HEXB: variants seen among roughly 807,000 people sequenced by gnomAD.
HEXB encodes the protein beta-hexosaminidase subunit beta.
A neutral mutation model predicts 71.2 loss-of-function variants in HEXB; 51 were observed. That is an observed-to-expected ratio of 0.72 (90% CI 0.57 to 0.90). The LOEUF (loss-of-function observed/expected upper bound fraction) is 0.90. Ranked by LOEUF, HEXB falls within the 40% of genes least tolerant of loss-of-function variation. The probability of loss-of-function intolerance (pLI) is 0.00; values close to 1 mark genes in which losing one functional copy is unlikely to be tolerated. For synonymous variants in HEXB, 266 were observed against 249.3 expected (o/e 1.07, Z -0.63); for missense variants, 617 against 677.0 (o/e 0.91, Z 0.98).
chr5:74,663,497 G>A (rs995511692), intron 1 of HEXB, among the ~76,000 whole-genome samples: 1 of 152,020 alleles, frequency 6.6e-6, no homozygotes, highest in Admixed American at 6.6e-5. Flanking sequence ...GGCAAAAGAT[G>A]ACCTCTTTCT....
intron 8 of HEXB, 24 bp downstream of exon 8, chr5:74,715,714 T>C: frequency 2.3e-6 from 3 of 1,302,180 alleles, no homozygotes; most frequent in Non-Finnish European, 1.1e-6. Context: ...TTAAAACCCC[T>C]TTAAAAAAAA....
intron 1 of HEXB, among the ~76,000 whole-genome samples, chr5:74,665,281 A>G (rs781781292): frequency 2.0e-5 from 3 of 152,346 alleles, no homozygotes; most frequent in Non-Finnish European, 4.4e-5. Context: ...AAAAGTACAT[A>G]AGTAAACAGT....
intron 1 of HEXB, among the ~76,000 whole-genome samples, chr5:74,667,163 C>T (rs1334161448): frequency 6.6e-6 from 1 of 151,978 alleles, no homozygotes; most frequent in Non-Finnish European, 1.5e-5. Context: ...GTCTGTAATC[C>T]CAGCACTTTG....
chr5:74,720,330 T>C (rs1749796188), intron 11 of HEXB, 98 bp from the exon 12 acceptor site: 2 of 925,682 alleles, frequency 2.2e-6, no homozygotes, highest in East Asian at 2.4e-5. Context: ...CAAGAAATGT[T>C]GCCCTAGGAT....
At position 74,685,478 on chromosome 5, in the gene HEXB, C is replaced by A. The variant is rs1361073000; in HGVS notation, c.218C>A (p.Ala73Asp). 6.2e-7 allele frequency: 1 copy of A among 1,611,464 alleles called. No individual in the cohort carries two copies. The highest frequency in any genetic ancestry group is 1.1e-5 in the South Asian group (1 of 90,786). Reference protein sequence around the residue: ...VKMTPNLLHLAPENFYISHSP... With the variant: ...VKMTPNLLHLDPENFYISHSP... Reference sequence around the variant, plus strand: ...ATGACCCCGAACCTGCTGCATCTCGCCCCGGAGAACTTCTACATCAGCCAC... The same window carrying A: ...ATGACCCCGAACCTGCTGCATCTCGACCCGGAGAACTTCTACATCAGCCAC... The change falls in exon 1 of 14, where the codon GCC becomes GAC. Residue 73 changes from alanine (A) to aspartate (D), a missense_variant. By Grantham distance (126) the Ala-to-Asp change is moderately radical. Coordinates refer to ENST00000261416, the MANE Select transcript of HEXB (RefSeq NM_000521.4).
At position 74,720,677 on chromosome 5, in the gene HEXB, A is replaced by C. The variant is rs748124392; in HGVS notation, c.1543A>C (p.Ser515Arg). Residue 515 changes from serine (S) to arginine (R), a missense_variant, in exon 13 of 14, where the codon AGT becomes CGT. Ser to Arg is a moderately radical substitution (Grantham distance 110). Transcript: ENST00000261416. Reference sequence around the variant, plus strand: ...AAGTGCTGTTGGTGAGAGACTCTGGAGTTCCAAAGATGTCAGAGATATGGA... The same window carrying C: ...AAGTGCTGTTGGTGAGAGACTCTGGCGTTCCAAAGATGTCAGAGATATGGA... ...RASAVGERLW[S>R]SKDVRDMDDA... is the part of the protein sequence containing the mutation. The C allele has an allele frequency of 4.3e-6, 7 of 1,614,192 alleles. No homozygotes were observed. Among genetic ancestry groups the C allele is most frequent in the South Asian group, 1.1e-5 (1 of 91,084 alleles).
Position 74,719,112 on chromosome 5 carries a change from C to A in HEXB, c.1417+141C>A. The A allele has an allele frequency of 5.3e-6, 4 of 759,988 alleles. No individual in the cohort carries two copies. In the South Asian group the frequency reaches 6.0e-5, roughly 11 times the overall value. The allele number at this position is 759,988 out of a possible 1,614,324, so 47.1% of individuals were successfully genotyped here. A position where few individuals can be genotyped will look rare whatever the true frequency, so the allele number is the denominator to read the frequency against. On this transcript the variant is annotated intron_variant, in intron 11 of 13. Coordinates refer to ENST00000261416, the MANE Select transcript of HEXB (RefSeq NM_000521.4). The stretch of plus-strand genomic sequence containing the variant: ...TCTTTACCTAGATATTACCTACCAA[C>A]TATCTTTTATGTTTGATCCTTGATT...
chr5:74,681,917 G>A (rs956350983), upstream of HEXB, among the ~76,000 whole-genome samples: 2 of 152,238 alleles, frequency 1.3e-5, no homozygotes, highest in Non-Finnish European at 2.9e-5. Context: ...AAGGCATTGT[G>A]GCTTCCTCTT....
Position 74,651,859 on chromosome 5 carries a change from G to A in HEXB, c.-377+11301G>A, listed in dbSNP as rs557597220. Among the ~76,000 whole-genome samples the A allele has an allele frequency of 5.3e-5, 8 of 152,318 alleles. No individual in the cohort carries two copies. In the South Asian group the frequency reaches 1.7e-3, roughly 32 times the overall value. On this transcript the variant is annotated intron_variant, in intron 1 of 13. Coordinates refer to the HEXB transcript ENST00000511181. ...TGGTCTGTATGCCTTGGTGCTAGAA[G>A]TGATAAGACTTAGGTAATGGAAAGC...
Position 74,652,764 on chromosome 5 carries a change from G to A in HEXB, c.-377+12206G>A, listed in dbSNP as rs531434090. On this transcript the variant is annotated intron_variant, in intron 1 of 13. Transcript: ENST00000511181. The surrounding 1 kb of genome is among the most constrained non-coding windows in gnomAD (Gnocchi z 5.4). Reference sequence around the variant, plus strand: ...CACATCTGCCCACAGCACCAGCTCCGAGATAACCATCACCCTCTCTGAGCT... The same window carrying A: ...CACATCTGCCCACAGCACCAGCTCCAAGATAACCATCACCCTCTCTGAGCT... Among the ~76,000 whole-genome samples the A allele has an allele frequency of 3.2e-4, 49 of 152,104 alleles. No individual in the cohort carries two copies. The highest frequency in any genetic ancestry group is 9.2e-4 in the Admixed American group (14 of 15,264).
At chr5:74,646,347 G>C (rs1748000987) in intron 1 of HEXB, among the ~76,000 whole-genome samples, 1 of 152,058 alleles carries the variant, frequency 6.6e-6, no homozygotes. Flanking sequence ...CAGTAGCACT[G>C]GGTTAAGGGA....
At chr5:74,696,908 G>A in intron 4 of HEXB, 88 bp from the exon 5 acceptor site, 2 of 791,472 alleles carry the variant, frequency 2.5e-6, no homozygotes, top group South Asian at 3.0e-5. Flanking sequence ...AATATTTTAT[G>A]AAATGCTTGT....
intron 6 of HEXB, among the ~76,000 whole-genome samples, chr5:74,707,925 A>G (rs1006190374): frequency 6.6e-6 from 1 of 152,214 alleles, no homozygotes. Context: ...ATTCAGATGC[A>G]GGAAATACAG....
chr5:74,640,447 C>T (rs1400543879), exon 1 of HEXB: 1 of 152,304 alleles, frequency 6.6e-6, no homozygotes, highest in Non-Finnish European at 1.5e-5. Context: ...GAGGACTGCG[C>T]CCCGAACGAT....
Position 74,705,207 on chromosome 5 carries a change from G to C in HEXB, c.670-12G>C. 5 of 1,504,944 alleles carry C rather than the reference G, an allele frequency of 3.3e-6. No individual in the cohort carries two copies. The highest frequency in any genetic ancestry group is 4.6e-6 in the Non-Finnish European group (5 of 1,083,016). The allele number at this position is 1,504,944 out of a possible 1,614,324, so 93.2% of individuals were successfully genotyped here. A position where few individuals can be genotyped will look rare whatever the true frequency, so the allele number is the denominator to read the frequency against. On this transcript the variant is annotated splice_polypyrimidine_tract_variant and intron_variant, in intron 5 of 13. Transcript: ENST00000261416. ...TCTGCAGTAAATAATTTTTAAATATGTTTGCTTGCAGGATGCCATGGCTTT... is the reference window on the plus strand; with the variant it reads ...TCTGCAGTAAATAATTTTTAAATATCTTTGCTTGCAGGATGCCATGGCTTT...
chr5:74,688,560 G>T (rs1168592539), intron 1 of HEXB, among the ~76,000 whole-genome samples: 1 of 152,080 alleles, frequency 6.6e-6, no homozygotes, highest in Non-Finnish European at 1.5e-5. Context: ...GGCCGGGCTG[G>T]TCTTGAACTC....
At chr5:74,675,858 A>G (rs1748621143) in intron 1 of HEXB, among the ~76,000 whole-genome samples, 1 of 152,228 alleles carries the variant, frequency 6.6e-6, no homozygotes. Context: ...GCCAACACCT[A>G]AAGTTCTACT....
intron 1 of HEXB, among the ~76,000 whole-genome samples, chr5:74,642,818 G>A (rs1747929509): frequency 6.6e-6 from 1 of 152,146 alleles, no homozygotes; most frequent in Admixed American, 6.5e-5. Context: ...AAGCAGGCAG[G>A]GCTGAGAAAG....
At chr5:74,690,574 C>T (rs1200082044) in intron 2 of HEXB, among the ~76,000 whole-genome samples, 4 of 143,542 alleles carry the variant, frequency 2.8e-5, no homozygotes, top group African/African-American at 1.0e-4. Context: ...ATCACTTGAA[C>T]CCAGGAGGCA....
Sources: allele counts gnomAD v4.1 joint callset (sites outside exome capture counted in the v4.1 genomes callset), GRCh38; gene constraint gnomAD v4.1.1; non-coding constraint Gnocchi (gnomAD v3.1); transcripts MANE v1.5; gene names NCBI Gene and HGNC (gene_info 2026-07-23, HGNC 2026-07-21).